The following TASOR variants were observed in gnomAD, a reference collection of about 807,000 sequenced individuals.
TASOR encodes the protein protein TASOR.
TASOR carries 53 observed loss-of-function variants against 178.6 expected under a neutral mutation model. That is an observed-to-expected ratio of 0.30 (90% CI 0.24 to 0.37). TASOR has a LOEUF of 0.37. Among genes scored for constraint, TASOR ranks in the 10% least tolerant of loss-of-function variants. TASOR has a pLI of 1.00. For synonymous variants in TASOR, 713 were observed against 696.2 expected (o/e 1.02, Z -0.38); for missense variants, 1,815 against 1,971.4 (o/e 0.92, Z 1.50).
Position 56,622,785 on chromosome 3 carries a change from T to C in TASOR, c.*252A>G. 1 of 258,846 alleles carries C rather than the reference T, an allele frequency of 3.9e-6. No individual in the cohort carries two copies. 16.0% of individuals were successfully genotyped at this position (258,846 alleles called of 1,614,324 possible). ...TTTTACACATAAAACAGGCTTCAAT[T>C]TGAAGCCTAAGTACAGGTAACATAC... On this transcript the variant is annotated 3_prime_UTR_variant, in exon 24 of 24. Coordinates refer to ENST00000683822, the MANE Select transcript of TASOR (RefSeq NM_001365635.2).
At chr3:56,655,494 T>C (rs2077450653) in intron 11 of TASOR, among the ~76,000 whole-genome samples, 1 of 152,116 alleles carries the variant, frequency 6.6e-6, no homozygotes, top group African/African-American at 2.4e-5. Flanking sequence ...AGGCTGGGCA[T>C]GGTGGTTCAT....
intron 13 of TASOR, among the ~76,000 whole-genome samples, chr3:56,647,607 C>G (rs902062679): frequency 2.6e-5 from 4 of 152,214 alleles, no homozygotes; most frequent in South Asian, 2.1e-4. Flanking sequence ...TGCATGTCAT[C>G]TCTTCCTCTT....
intron 11 of TASOR, among the ~76,000 whole-genome samples, chr3:56,650,129 T>G (rs1029722014): frequency 1.2e-4 from 18 of 152,192 alleles, no homozygotes; most frequent in African/African-American, 4.1e-4. Context: ...CACAATGTTT[T>G]GGGTAAATGA....
At chr3:56,637,879 A>C (rs1221810350) in intron 17 of TASOR, among the ~76,000 whole-genome samples, 3 of 152,192 alleles carry the variant, frequency 2.0e-5, no homozygotes, top group African/African-American at 7.2e-5. Context: ...GACAAAGATT[A>C]TCTCCTAGGT....
intron 16 of TASOR, among the ~76,000 whole-genome samples, 153 bp downstream of exon 16, chr3:56,639,833 G>T (rs959777562): frequency 8.5e-5 from 13 of 152,150 alleles, no homozygotes; most frequent in Admixed American, 4.6e-4. Flanking sequence ...GATGAACACT[G>T]TATTACTCAA....
intron 1 of TASOR, among the ~76,000 whole-genome samples, chr3:56,677,210 T>C (rs540523332): frequency 6.6e-6 from 1 of 152,320 alleles, no homozygotes; most frequent in South Asian, 2.1e-4. Context: ...AAAGAAAATA[T>C]TTAAGTCAAA....
Position 56,627,703 on chromosome 3 carries a change from A to C in TASOR, c.3909T>G (p.Val1303=), listed in dbSNP as rs2076828325. ...CCAGGCTATCAACACCAGCAAAACT[A>C]ACACAGGGGAGCTTCTTTAAAGTCA... The part of the protein sequence containing the change: ...GLVTLKKLPC[V]SFAGVDSLDD... The change falls in exon 20 of 24, where the codon GTT becomes GTG. Residue 1303 remains valine, a synonymous_variant. Coordinates refer to ENST00000683822, the MANE Select transcript of TASOR (RefSeq NM_001365635.2). 2 of 1,614,096 alleles carry C rather than the reference A, an allele frequency of 1.2e-6. No individual in the cohort carries two copies. Among genetic ancestry groups the C allele is most frequent in the Non-Finnish European group, 1.7e-6 (2 of 1,179,978 alleles).
In TASOR at chr3:56,640,104, A is replaced by G. The variant is rs2077092059; in HGVS notation, c.2646T>C (p.Asn882=). The G allele has an allele frequency of 6.2e-7, 1 of 1,613,230 alleles. No individual in the cohort carries two copies. Among genetic ancestry groups the G allele is most frequent in the Admixed American group, 1.7e-5 (1 of 59,906 alleles). ...KEDPNLISVN[N]FEDCSLCPSV... The stretch of plus-strand genomic sequence containing the variant: ...TGGGACACAAACTGCAATCTTCAAA[A>G]TTATTCACGCTAATTAAATTTGGAT... The change falls in exon 16 of 24, where the codon AAT becomes AAC. Residue 882 remains asparagine (N), a synonymous_variant. Coordinates refer to ENST00000683822, the MANE Select transcript of TASOR (RefSeq NM_001365635.2).
At position 56,633,637 on chromosome 3, in the gene TASOR, A is replaced by C. The variant is rs1387787613; in HGVS notation, c.3154T>G (p.Phe1052Val). The C allele has an allele frequency of 5.0e-6, 8 of 1,613,856 alleles. No homozygotes were observed. The African/African-American group carries it at 8.0e-5, about 16-fold the overall frequency. Residue 1052 changes from phenylalanine to valine, a missense_variant, in exon 18 of 24, where the codon TTT (phenylalanine) becomes GTT (valine). Coordinates refer to ENST00000683822, the MANE Select transcript of TASOR (RefSeq NM_001365635.2). ...CGTTTCATCTTCTCTTGTGTTGAAA[A>C]GATAGGTGTGGAAACTGTACTGACA... is the stretch of plus-strand genomic sequence containing the variant. Reference protein sequence around the residue: ...SYVSTVSTPIFSTQEKMKRLS... With the variant: ...SYVSTVSTPIVSTQEKMKRLS...
intron 9 of TASOR, among the ~76,000 whole-genome samples, chr3:56,662,130 CAAAA>C (rs766914234): frequency 1.1e-5 from 1 of 88,562 alleles, no homozygotes. Flanking sequence ...AACTCCGTCT[CAAAA>C]AAAAAAAAAA....
At chr3:56,669,844 G>A (rs1578286695) in intron 4 of TASOR, 53 bp from the exon 5 acceptor site, 5 of 1,270,566 alleles carry the variant, frequency 3.9e-6, no homozygotes, top group Middle Eastern at 3.8e-4. Flanking sequence ...AAAATCACTA[G>A]GACTAAAATA....
Position 56,621,494 on chromosome 3 carries a change from C to A in TASOR, c.*1543G>T. 1 of 1,279,254 alleles carries A rather than the reference C, an allele frequency of 7.8e-7. No individual in the cohort carries two copies. The highest frequency in any genetic ancestry group is 1.1e-6 in the Non-Finnish European group (1 of 905,710). The allele number at this position is 1,279,254 out of a possible 1,614,324, so 79.2% of individuals were successfully genotyped here. A position where few individuals can be genotyped will look rare whatever the true frequency, so the allele number is the denominator to read the frequency against. On this transcript the variant is annotated 3_prime_UTR_variant, in exon 24 of 24. Coordinates refer to ENST00000683822, the MANE Select transcript of TASOR (RefSeq NM_001365635.2). ...AACACAACATTGCAAGTCAGGTGTGCACATTTTACTAACAAACATATATCA... is the reference window on the plus strand; with the variant it reads ...AACACAACATTGCAAGTCAGGTGTGAACATTTTACTAACAAACATATATCA...
intron 1 of TASOR, among the ~76,000 whole-genome samples, chr3:56,680,472 A>ATATT (rs2107647668): frequency 6.6e-6 from 1 of 152,330 alleles, no homozygotes; most frequent in Non-Finnish European, 1.5e-5. Flanking sequence ...AGGTATTAAA[A>ATATT]TATTTAAGTC....
chr3:56,641,876 G>C, intron 14 of TASOR, 124 bp from the exon 15 acceptor site: 1 of 964,792 alleles, frequency 1.0e-6, no homozygotes. Context: ...AATTTGCTTA[G>C]ACTTTACAAA....
In TASOR at chr3:56,646,996, G is replaced by A. The variant is rs2077250162; in HGVS notation, c.1741C>T (p.Arg581Ter). ...REFIMFPYDS[R>*]LDDKKFLYSA... ...TATAAGAATTTTTTATCATCTAATC[G>A]TGAATCATATGGAAACATAATAAAC... is the stretch of plus-strand genomic sequence containing the variant. The change falls in exon 14 of 24, where the codon CGA (arginine) becomes TGA (stop). Residue 581 changes from arginine to a stop codon, truncating the protein, a stop_gained. Transcript: ENST00000683822. LOFTEE classifies it high-confidence loss of function. The A allele has an allele frequency of 6.2e-7, 1 of 1,604,320 alleles. No homozygotes were observed. Among genetic ancestry groups the A allele is most frequent in the Non-Finnish European group, 8.5e-7 (1 of 1,177,780 alleles).
At chr3:56,670,215 A>G (rs2030535812) in intron 3 of TASOR, 70 bp from the exon 4 acceptor site, 1 of 983,544 alleles carries the variant, frequency 1.0e-6, no homozygotes, top group Non-Finnish European at 1.5e-6. Flanking sequence ...ATAATTTTAT[A>G]AACTTGGTTT....
intron 11 of TASOR, among the ~76,000 whole-genome samples, chr3:56,657,517 T>C (rs1368122037): frequency 6.6e-6 from 1 of 152,184 alleles, no homozygotes; most frequent in African/African-American, 2.4e-5. Context: ...ACTCTTCGCA[T>C]ACCTTAAGAT....
Position 56,659,064 on chromosome 3 carries a change from C to T in TASOR, c.1368+1667G>A, listed in dbSNP as rs148622491. Among the ~76,000 whole-genome samples, 737 of 152,138 alleles carry T rather than the reference C, an allele frequency of 4.8e-3. 3 individuals are homozygous for T. Among genetic ancestry groups the T allele is most frequent in the Middle Eastern group, 0.01 (3 of 294 alleles). On this transcript the variant is annotated intron_variant, in intron 11 of 23. Transcript: ENST00000683822. ...AAAGACTCGCAAGGGTTTTATAACT[C>T]TGCCTGGAAGTTTTATGTCAATCTG...
rs79035412 is a variant in TASOR at position 56,621,016 on chromosome 3, T to TAGCC, written c.*2017_*2020dup. 0.045 allele frequency: 6,913 copies of TAGCC among 152,128 alleles called. 158 individuals are homozygous for TAGCC. Among genetic ancestry groups the TAGCC allele is most frequent in the East Asian group, 0.09 (464 of 5,168 alleles). The allele number at this position is 152,128 out of a possible 1,614,324, so 9.4% of individuals were successfully genotyped here. ...AAATACAAAAAGTTAGTTAGTTAGT[T>TAGCC]AGCCAGGCGTGGTGGTGGGTGCCTG... On this transcript the variant is annotated 3_prime_UTR_variant, in exon 24 of 24. Transcript: ENST00000683822.
Sources: allele counts gnomAD v4.1 joint callset (sites outside exome capture counted in the v4.1 genomes callset), GRCh38; gene constraint gnomAD v4.1.1; transcripts MANE v1.5; gene names NCBI Gene and HGNC (gene_info 2026-07-23, HGNC 2026-07-21).